The following PCSK6 variants were observed in gnomAD, a reference collection of about 807,000 sequenced individuals.
PCSK6 encodes the protein paired basic amino acid cleaving enzyme 4.
PCSK6 carries 85 observed loss-of-function variants against 123.3 expected under a neutral mutation model. That is an observed-to-expected ratio of 0.69 (90% CI 0.58 to 0.83). The LOEUF is 0.83. Among genes scored for constraint, PCSK6 ranks in the 40% least tolerant of loss-of-function variants. The pLI is 0.00. For missense variants in PCSK6, 1,191 were observed against 1,282.3 expected (o/e 0.93, Z 1.09); for synonymous variants, 508 against 516.0 (o/e 0.98, Z 0.21).
At chr15:101,318,925 GAC>G (rs1427521078) in intron 18 of PCSK6, among the ~76,000 whole-genome samples, 1 of 152,218 alleles carries the variant, frequency 6.6e-6, no homozygotes, top group Non-Finnish European at 1.5e-5. Context: ...CTTGAAATAA[GAC>G]GCCCTCTGGA....
chr15:101,417,383 T>G (rs559235053), intron 6 of PCSK6, among the ~76,000 whole-genome samples: 1 of 152,300 alleles, frequency 6.6e-6, no homozygotes, highest in Admixed American at 6.5e-5. Flanking sequence ...GAACGTGTAT[T>G]AGGACACAAA....
intron 2 of PCSK6, among the ~76,000 whole-genome samples, chr15:101,433,243 A>G (rs564301323): frequency 1.3e-4 from 20 of 152,316 alleles, no homozygotes; most frequent in Admixed American, 3.9e-4. Flanking sequence ...CAGGGTTAAT[A>G]TAAGAAACAA....
chr15:101,369,718 A>G (rs1042693849), intron 12 of PCSK6, among the ~76,000 whole-genome samples: 15 of 151,820 alleles, frequency 9.9e-5, no homozygotes, highest in Non-Finnish European at 1.5e-4. Flanking sequence ...CTTGTTTCTA[A>G]GTTTGTTAAA....
intron 13 of PCSK6, among the ~76,000 whole-genome samples, chr15:101,353,295 TC>T (rs2040947888): frequency 6.6e-6 from 1 of 152,156 alleles, no homozygotes; most frequent in South Asian, 2.1e-4. Flanking sequence ...GGGTTCGCAC[TC>T]CTATGAGAAT....
At chr15:101,401,272 AC>A (rs2042576446) in intron 6 of PCSK6, among the ~76,000 whole-genome samples, 1 of 152,248 alleles carries the variant, frequency 6.6e-6, no homozygotes, top group African/African-American at 2.4e-5. Flanking sequence ...GGCTGAAGTC[AC>A]GGGAAGAGCC....
At chr15:101,416,000 T>G (rs184059969) in intron 6 of PCSK6, among the ~76,000 whole-genome samples, 100 of 152,196 alleles carry the variant, frequency 6.6e-4, no homozygotes, top group African/African-American at 2.3e-3. Context: ...GCCCATAGAG[T>G]GGGCATTGCT....
intron 5 of PCSK6, among the ~76,000 whole-genome samples, chr15:101,429,456 C>T (rs918374775): frequency 7.2e-5 from 11 of 152,222 alleles, no homozygotes; most frequent in African/African-American, 2.2e-4. Flanking sequence ...CTGGCCTGGA[C>T]GAGCCTCTAA....
At chr15:101,458,983 T>G (rs903097744) in intron 1 of PCSK6, among the ~76,000 whole-genome samples, 1 of 152,176 alleles carries the variant, frequency 6.6e-6, no homozygotes, top group Non-Finnish European at 1.5e-5. Context: ...GCTGTAGGAC[T>G]GTGGTTCACG....
intron 6 of PCSK6, among the ~76,000 whole-genome samples, chr15:101,403,436 A>G (rs200531529): frequency 8.1e-5 from 12 of 147,730 alleles, no homozygotes; most frequent in African/African-American, 2.6e-4. Flanking sequence ...ATTAAAAAAA[A>G]AGAGAGAGAA....
chr15:101,341,930 G>C (rs2040617605), intron 13 of PCSK6, among the ~76,000 whole-genome samples: 1 of 152,054 alleles, frequency 6.6e-6, no homozygotes, highest in Non-Finnish European at 1.5e-5. Flanking sequence ...AGGAGTTCAA[G>C]ACCAGTCCGG....
chr15:101,341,643 T>C lies in PCSK6; in HGVS notation c.1859-9612A>G, dbSNP rs1199893420. Among the ~76,000 whole-genome samples, 7 of 152,096 alleles carry C rather than the reference T, an allele frequency of 4.6e-5. 1 individual carries two copies. Among genetic ancestry groups the C allele is most frequent in the Admixed American group, 4.6e-4 (7 of 15,266 alleles). The stretch of plus-strand genomic sequence containing the variant: ...ATCCAGTGAAAATACCATTCAAAAA[T>C]GGGTTGAAGTAAAGACATTTTCAAA... On this transcript the variant is annotated intron_variant, in intron 13 of 21. Coordinates refer to ENST00000611716, the MANE Select transcript of PCSK6 (RefSeq NM_002570.5).
chr15:101,314,646 T>C (rs898544050), intron 19 of PCSK6, among the ~76,000 whole-genome samples: 1 of 152,174 alleles, frequency 6.6e-6, no homozygotes, highest in East Asian at 1.9e-4. Flanking sequence ...ACCACAGCCG[T>C]AAGCCTGGGA....
At position 101,305,435 on chromosome 15, in the gene PCSK6, C is replaced by T. The variant is rs946286706; in HGVS notation, c.2813-80G>A. Reference sequence around the variant, plus strand: ...GTGAAGATTGTTTCAAGGCCGGGCGCGGTGCCTCATGCCTGTAATCCCAGC... The same window carrying T: ...GTGAAGATTGTTTCAAGGCCGGGCGTGGTGCCTCATGCCTGTAATCCCAGC... On this transcript the variant is annotated intron_variant, in intron 21 of 21. Transcript: ENST00000611716. The surrounding 1 kb of genome is among the most constrained non-coding windows in gnomAD (Gnocchi z 4.8). 4.4e-5 allele frequency: 53 copies of T among 1,205,094 alleles called. No homozygotes were observed. The highest frequency in any genetic ancestry group is 3.3e-4 in the East Asian group (13 of 39,762). 74.7% of individuals were successfully genotyped at this position (1,205,094 alleles called of 1,614,324 possible).
rs374236024 is a variant in PCSK6 at position 101,322,560 on chromosome 15, C to T, written c.2425G>A (p.Asp809Asn). The T allele has an allele frequency of 1.2e-6, 2 of 1,613,802 alleles. No individual in the cohort carries two copies. Among genetic ancestry groups the T allele is most frequent in the Non-Finnish European group, 1.7e-6 (2 of 1,179,764 alleles). Residue 809 changes from aspartate (D) to asparagine (N), a missense_variant, in exon 18 of 22, where the codon GAT (aspartate) becomes AAT (asparagine). By Grantham distance (23) the Asp-to-Asn change is conservative. This residue lies in a region of PCSK6 where 630 missense variants were observed against 631.4 expected (regional missense o/e 1.00). Transcript: ENST00000611716. The stretch of plus-strand genomic sequence containing the variant: ...CAGACAGTACATTTCTCAGGTTCAT[C>T]CACGCACTTTTTACAGCTTGGGTGG... ...KCHPSCKKCVDEPEKCTVCKE... is the reference protein window; with the variant it reads ...KCHPSCKKCVNEPEKCTVCKE...
At chr15:101,469,472 T>C (rs1406801067) in intron 1 of PCSK6, among the ~76,000 whole-genome samples, 2 of 152,216 alleles carry the variant, frequency 1.3e-5, no homozygotes, top group Non-Finnish European at 2.9e-5. Context: ...CGAGAGACCC[T>C]CCGTCTGTCA....
At chr15:101,345,699 G>T (rs953400996) in intron 13 of PCSK6, among the ~76,000 whole-genome samples, 3 of 152,172 alleles carry the variant, frequency 2.0e-5, no homozygotes, top group Admixed American at 1.3e-4. Flanking sequence ...ACGGAGTCTC[G>T]TTCTGTCATC....
chr15:101,420,627 T>C (rs1275715519), intron 6 of PCSK6, among the ~76,000 whole-genome samples: 1 of 152,238 alleles, frequency 6.6e-6, no homozygotes, highest in African/African-American at 2.4e-5. Context: ...ACCCCCAAAG[T>C]GCTGGGATTA....
intron 2 of PCSK6, among the ~76,000 whole-genome samples, chr15:101,441,571 T>C (rs1020104204): frequency 1.2e-4 from 19 of 152,206 alleles, no homozygotes; most frequent in Non-Finnish European, 2.4e-4. Context: ...TTTTAAAATA[T>C]AGTCACCAAC....
intron 3 of PCSK6, among the ~76,000 whole-genome samples, 162 bp downstream of exon 3, chr15:101,431,828 C>A (rs2056455975): frequency 6.6e-6 from 1 of 152,188 alleles, no homozygotes; most frequent in Admixed American, 6.5e-5. Flanking sequence ...CACAGGAAAG[C>A]CGGTACTGCA....
Sources: allele counts gnomAD v4.1 joint callset (sites outside exome capture counted in the v4.1 genomes callset), GRCh38; gene constraint gnomAD v4.1.1; regional missense constraint gnomAD v4.1.1; non-coding constraint Gnocchi (gnomAD v3.1); transcripts MANE v1.5; gene names NCBI Gene and HGNC (gene_info 2026-07-23, HGNC 2026-07-21).